CENPP: variants seen among roughly 807,000 people sequenced by gnomAD.
The protein encoded by CENPP is centromere protein P.
In CENPP, 24 loss-of-function variants were observed where a neutral mutation model predicts 35.6. That is an observed-to-expected ratio of 0.67 (90% CI 0.49 to 0.95). The LOEUF is 0.95. Among genes scored for constraint, CENPP ranks in the 40% least tolerant of loss-of-function variants. CENPP has a pLI of 0.00. For synonymous variants in CENPP, 120 were observed against 125.5 expected (o/e 0.96, Z 0.29); for missense variants, 332 against 345.3 (o/e 0.96, Z 0.31).
At chr9:92,386,085 C>A in intron 5 of CENPP, 1 of 743,172 alleles carries the variant, frequency 1.3e-6, no homozygotes, top group Non-Finnish European at 2.3e-6. Context: ...TTAGCTATCA[C>A]GCTACTACAG....
intron 5 of CENPP, among the ~76,000 whole-genome samples, chr9:92,574,627 G>A (rs1376872761): frequency 1.3e-5 from 2 of 152,212 alleles, no homozygotes; most frequent in Non-Finnish European, 2.9e-5. Flanking sequence ...AAGACTCTGT[G>A]TTAAGATGTC....
At chr9:92,477,963 C>T (rs192802924) in intron 5 of CENPP, among the ~76,000 whole-genome samples, 9 of 152,148 alleles carry the variant, frequency 5.9e-5, no homozygotes, top group Admixed American at 4.6e-4. Flanking sequence ...AATTCTTCAC[C>T]GTGTCTGTCT....
At chr9:92,351,386 A>G (rs959225381) in intron 4 of CENPP, among the ~76,000 whole-genome samples, 2 of 151,334 alleles carry the variant, frequency 1.3e-5, no homozygotes, top group Non-Finnish European at 2.9e-5. Context: ...AGGCTGAGGC[A>G]GGAGAATCGC....
intron 5 of CENPP, among the ~76,000 whole-genome samples, chr9:92,450,393 G>C (rs866098387): frequency 1.3e-5 from 2 of 151,892 alleles, no homozygotes. Context: ...ATGATTTCCA[G>C]TTTCATCCAT....
chr9:92,430,215 C>T (rs1344873322), intron 5 of CENPP, among the ~76,000 whole-genome samples: 1 of 151,976 alleles, frequency 6.6e-6, no homozygotes, highest in Admixed American at 6.6e-5. Flanking sequence ...ATTTTACAGC[C>T]CTGTATGCTG....
chr9:92,598,260 G>A (rs1850827606), intron 5 of CENPP, among the ~76,000 whole-genome samples: 1 of 152,208 alleles, frequency 6.6e-6, no homozygotes, highest in African/African-American at 2.4e-5. Flanking sequence ...ACTGCCATGG[G>A]TCCCTCTGAG....
intron 5 of CENPP, among the ~76,000 whole-genome samples, chr9:92,413,666 A>G (rs1843506326): frequency 6.6e-6 from 1 of 152,148 alleles, no homozygotes; most frequent in South Asian, 2.1e-4. Flanking sequence ...CTTTGCCCAT[A>G]TTGTGGCATC....
intron 5 of CENPP, among the ~76,000 whole-genome samples, chr9:92,393,925 C>A (rs181729997): frequency 2.6e-5 from 4 of 152,152 alleles, no homozygotes; most frequent in African/African-American, 9.6e-5. Flanking sequence ...ATCTGTTTAT[C>A]CCATTCCTGA....
chr9:92,381,210 T>C (rs1257780911), intron 5 of CENPP, among the ~76,000 whole-genome samples: 4 of 152,200 alleles, frequency 2.6e-5, no homozygotes, highest in Non-Finnish European at 5.9e-5. Flanking sequence ...GTACCTCATA[T>C]ATGTGGAGTG....
intron 4 of CENPP, among the ~76,000 whole-genome samples, chr9:92,351,421 G>A (rs535621849): frequency 2.6e-5 from 4 of 150,952 alleles, no homozygotes; most frequent in Non-Finnish European, 5.9e-5. Flanking sequence ...CGGAGGTTGT[G>A]GTGAGCCGAG....
intron 5 of CENPP, among the ~76,000 whole-genome samples, chr9:92,541,841 T>G (rs773705261): frequency 5.3e-5 from 8 of 152,138 alleles, no homozygotes; most frequent in Non-Finnish European, 1.2e-4. Flanking sequence ...TCACCCAGGC[T>G]AGAGTGCAGT....
At chr9:92,487,894 T>C (rs1846097102) in intron 5 of CENPP, among the ~76,000 whole-genome samples, 1 of 152,226 alleles carries the variant, frequency 6.6e-6, no homozygotes, top group Non-Finnish European at 1.5e-5. Context: ...CAAGAAACTG[T>C]ACTTTGAGTA....
intron 5 of CENPP, among the ~76,000 whole-genome samples, chr9:92,380,746 T>TATATATATAACACTATA (rs1842222785): frequency 1.3e-5 from 2 of 152,202 alleles, no homozygotes; most frequent in South Asian, 4.1e-4. Context: ...ATATTTCTGC[T>TATATATATAACACTATA]TCACAAGTGT....
intron 2 of CENPP, among the ~76,000 whole-genome samples, chr9:92,332,815 A>C (rs1328344510): frequency 1.1e-4 from 16 of 152,006 alleles, no homozygotes; most frequent in East Asian, 5.8e-4. Context: ...TTAAAACAAA[A>C]AAAAAAAGGG....
intron 5 of CENPP, among the ~76,000 whole-genome samples, chr9:92,435,334 A>G (rs1320889301): frequency 1.3e-5 from 2 of 152,194 alleles, no homozygotes; most frequent in African/African-American, 4.8e-5. Flanking sequence ...GCAATCATTT[A>G]CTTTTTAATT....
intron 5 of CENPP, among the ~76,000 whole-genome samples, chr9:92,485,198 T>C (rs1564347940): frequency 1.3e-5 from 2 of 152,230 alleles, no homozygotes; most frequent in Non-Finnish European, 2.9e-5. Context: ...AGTGTACCTC[T>C]TCTTCCCTCA....
intron 5 of CENPP, among the ~76,000 whole-genome samples, chr9:92,527,405 A>C (rs1326644200): frequency 6.6e-6 from 1 of 152,166 alleles, no homozygotes; most frequent in East Asian, 1.9e-4. Flanking sequence ...CCTAGGAGCA[A>C]TAGGCTCTAC....
intron 5 of CENPP, among the ~76,000 whole-genome samples, chr9:92,588,263 T>C (rs1185532389): frequency 6.6e-6 from 1 of 151,856 alleles, no homozygotes; most frequent in Non-Finnish European, 1.5e-5. Context: ...GTTTTGGTTT[T>C]TTTGAGACAG....
At chr9:92,510,765 A>C (rs1847284104) in intron 5 of CENPP, among the ~76,000 whole-genome samples, 1 of 152,256 alleles carries the variant, frequency 6.6e-6, no homozygotes, top group South Asian at 2.1e-4. Context: ...TTCCAAAGCA[A>C]GAAAAGGAGG....
Sources: gnomAD v4.1 joint callset for allele counts (sites outside exome capture counted in the v4.1 genomes callset) on GRCh38, gnomAD v4.1.1 for gene constraint, MANE v1.5 for transcripts, NCBI Gene and HGNC (gene_info 2026-07-23, HGNC 2026-07-21) for gene names.